Variants in TFRC observed in about 807,000 individuals in gnomAD.
The protein encoded by TFRC is transferrin receptor, also known as transferrin receptor protein 1.
Under a neutral mutation model 85.8 loss-of-function variants are expected in TFRC, and 35 were observed. The ratio of observed to expected loss-of-function variants is 0.41; its 90% CI spans 0.31 to 0.54. The LOEUF is 0.54. Among genes scored for constraint, TFRC ranks in the 20% least tolerant of loss-of-function variants. TFRC has a pLI of 0.31. For synonymous variants in TFRC, 362 were observed against 328.6 expected, an observed-to-expected ratio of 1.10 and a Z score of -1.10; for missense variants, 828 against 921.5, an observed-to-expected ratio of 0.90 and a Z score of 1.31.
chr3:196,063,005 C>T, intron 11 of TFRC, 66 bp from the exon 12 acceptor site: 1 of 1,338,602 alleles, frequency 7.5e-7, no homozygotes, highest in South Asian at 1.2e-5. Context: ...GGAAGGTATC[C>T]CACTTAAGAT....
rs529214594 is a variant in TFRC at position 196,052,292 on chromosome 3, CTTTTTTTTTTTTTT to C, written c.2041-122_2041-109del. 2.4e-5 allele frequency: 13 copies of C among 548,004 alleles called. No individual in the cohort carries two copies. The South Asian group carries it at 2.5e-4, about 10-fold the overall frequency. The allele number at this position is 548,004 out of a possible 1,614,324, so 33.9% of individuals were successfully genotyped here. On this transcript the variant is annotated intron_variant, in intron 18 of 18. Transcript: ENST00000360110. ...CCCAAATTTAAGAATGCCGATCAGA[CTTTTTTTTTTTTTT>C]TTTTTTTTTGACACAGAGTTTCGCT...
intron 1 of TFRC, among the ~76,000 whole-genome samples, chr3:196,080,427 CA>C (rs1719071211): frequency 1.3e-5 from 2 of 152,242 alleles, no homozygotes; most frequent in South Asian, 4.1e-4. Context: ...TTAGTAGAGA[CA>C]GGATTTCACC....
intron 17 of TFRC, among the ~76,000 whole-genome samples, chr3:196,054,055 G>A (rs2108634578): frequency 6.6e-6 from 1 of 152,080 alleles, no homozygotes. Flanking sequence ...TGGCCAACAT[G>A]GTAAAACCCC....
At position 196,065,262 on chromosome 3, in the gene TFRC, CA is replaced by C. The variant is rs55922619; in HGVS notation, c.1198+180del. ...GGGCAACAAGAGTGAAACTCTTTCT[CA>C]AAAAAAAAAAAAAGAAACTAACACA... On this transcript the variant is annotated intron_variant, in intron 10 of 18. Transcript: ENST00000360110. Among the ~76,000 whole-genome samples the C allele has an allele frequency of 0.68, 92,018 of 136,192 alleles. 31,717 individuals are homozygous for C. The highest frequency in any genetic ancestry group is 0.8 in the Non-Finnish European group (52,034 of 65,068). 89.3% of individuals were successfully genotyped at this position (136,192 alleles called of 152,430 possible). A position where few individuals can be genotyped will look rare whatever the true frequency, so the allele number is the denominator to read the frequency against.
In TFRC at chr3:196,068,060, A is replaced by G; in HGVS notation, c.872T>C (p.Val291Ala). Residue 291 changes from valine to alanine, a missense_variant, in exon 8 of 19, where the codon GTT becomes GCT. Transcript: ENST00000360110. ...TCCAAAGAATGAAAGTTCTGCGTTAACAATGGGAAATTTAGTCTGGTCCAT... is the reference window on the plus strand; with the variant it reads ...TCCAAAGAATGAAAGTTCTGCGTTAGCAATGGGAAATTTAGTCTGGTCCAT... ...IYMDQTKFPI[V>A]NAELSFFGHA... 6.2e-7 allele frequency: 1 copy of G among 1,613,376 alleles called. No homozygotes were observed.
In TFRC at chr3:196,069,475, T is replaced by C. The variant is rs1718009260; in HGVS notation, c.781A>G (p.Lys261Glu). The change falls in exon 7 of 19, where the codon AAA (lysine) becomes GAA (glutamate). Residue 261 changes from lysine to glutamate, a missense_variant. Lys to Glu is a moderately conservative substitution (Grantham distance 56). Coordinates refer to ENST00000360110, the MANE Select transcript of TFRC (RefSeq NM_001128148.3). ...NGSIVIVRAGKITFAEKVANA... is the reference protein window; with the variant it reads ...NGSIVIVRAGEITFAEKVANA... The stretch of plus-strand genomic sequence containing the variant: ...CTCACCTTTTCTGCAAAGGTGATTT[T>C]CCCTGCTCTGACAATCACTATAGAT... The C allele has an allele frequency of 6.2e-7, 1 of 1,611,314 alleles. No homozygotes were observed. The highest frequency in any genetic ancestry group is 8.5e-7 in the Non-Finnish European group (1 of 1,178,002).
At chr3:196,061,385 A>AC (rs1202953365) in intron 13 of TFRC, among the ~76,000 whole-genome samples, 1 of 152,142 alleles carries the variant, frequency 6.6e-6, no homozygotes, top group Admixed American at 6.5e-5. Flanking sequence ...AGTGCTTGTT[A>AC]AAGTTTTTTG....
intron 4 of TFRC, 27 bp downstream of exon 4, chr3:196,073,903 G>A: frequency 6.3e-7 from 1 of 1,597,636 alleles, no homozygotes; most frequent in Non-Finnish European, 8.5e-7. Context: ...TACTTGTCTA[G>A]ATACTTGCAC....
At position 196,055,168 on chromosome 3, in the gene TFRC, T is replaced by C. The variant is rs909940892; in HGVS notation, c.1811A>G (p.Asp604Gly). 6.2e-7 allele frequency: 1 copy of C among 1,614,226 alleles called. No homozygotes were observed. The highest frequency in any genetic ancestry group is 1.7e-5 in the Admixed American group (1 of 60,026). ...CTCATAGTCCAGGTTCAATTCAACATCATGGGTTAGTTTAATCACGAACTG... is the reference window on the plus strand; with the variant it reads ...CTCATAGTCCAGGTTCAATTCAACACCATGGGTTAGTTTAATCACGAACTG... ...AGQFVIKLTH[D>G]VELNLDYERY... The change falls in exon 17 of 19, where the codon GAT becomes GGT. Residue 604 changes from aspartate to glycine, a missense_variant. Transcript: ENST00000360110.
chr3:196,058,489 C>A, intron 15 of TFRC, 85 bp downstream of exon 15: 2 of 1,496,982 alleles, frequency 1.3e-6, no homozygotes, highest in Non-Finnish European at 1.8e-6. Context: ...AAGTTCAATG[C>A]AAGGACAGAT....
At chr3:196,079,765 A>G (rs1237039172) in intron 1 of TFRC, among the ~76,000 whole-genome samples, 1 of 152,240 alleles carries the variant, frequency 6.6e-6, no homozygotes, top group African/African-American at 2.4e-5. Context: ...GAAATGGAAC[A>G]CATTCACTGC....
chr3:196,051,812 A>C lies in TFRC; in HGVS notation c.*130T>G. The C allele has an allele frequency of 9.3e-7, 1 of 1,072,600 alleles. No individual in the cohort carries two copies. The highest frequency in any genetic ancestry group is 1.3e-6 in the Non-Finnish European group (1 of 740,858). 66.4% of individuals were successfully genotyped at this position (1,072,600 alleles called of 1,614,324 possible). A position where few individuals can be genotyped will look rare whatever the true frequency, so the allele number is the denominator to read the frequency against. ...TAAAAGCTGCTGCCTAAAGACATCT[A>C]GTAGTACCAAGATGATGGGATGGAA... On this transcript the variant is annotated 3_prime_UTR_variant, in exon 19 of 19. Transcript: ENST00000360110.
chr3:196,060,240 G>C lies in TFRC; in HGVS notation c.1476C>G (p.Ser492Arg). The C allele has an allele frequency of 3.1e-6, 5 of 1,613,822 alleles. No homozygotes were observed. Among genetic ancestry groups the C allele is most frequent in the Non-Finnish European group, 3.4e-6 (4 of 1,179,834 alleles). The stretch of plus-strand genomic sequence containing the variant: ...GTGGGCTGGCAGAAACCTTGAAGTT[G>C]CTGGTACCTGAAAATAAATTGTTTT... ...INLDKAVLGT[S>R]NFKVSASPLL... The change falls in exon 14 of 19, where the codon AGC becomes AGG. Residue 492 changes from serine to arginine, a missense_variant. By Grantham distance (110) the Ser-to-Arg change is moderately radical (BLOSUM62 -1). Coordinates refer to ENST00000360110, the MANE Select transcript of TFRC (RefSeq NM_001128148.3).
At chr3:196,081,383 C>T (rs897815755) in intron 1 of TFRC, among the ~76,000 whole-genome samples, 1 of 152,216 alleles carries the variant, frequency 6.6e-6, no homozygotes, top group Non-Finnish European at 1.5e-5. Flanking sequence ...TTACAGAAAC[C>T]CGTATCTAAT....
At chr3:196,073,381 G>A (rs1718391938) in intron 4 of TFRC, among the ~76,000 whole-genome samples, 2 of 151,816 alleles carry the variant, frequency 1.3e-5, no homozygotes, top group South Asian at 2.1e-4. Context: ...ATGAAGCTGC[G>A]GTGAGATGAG....
In TFRC at chr3:196,050,500, C is replaced by T. The variant is rs1266899284; in HGVS notation, c.*1442G>A. 1 of 204,432 alleles carries T rather than the reference C, an allele frequency of 4.9e-6. No homozygotes were observed. Among genetic ancestry groups the T allele is most frequent in the Non-Finnish European group, 1.0e-5 (1 of 99,462 alleles). 12.7% of individuals were successfully genotyped at this position (204,432 alleles called of 1,614,324 possible). On this transcript the variant is annotated 3_prime_UTR_variant, in exon 19 of 19. Coordinates refer to ENST00000360110, the MANE Select transcript of TFRC (RefSeq NM_001128148.3). ...CACTGTTCCCGATAATTACTTACAC[C>T]CTTAGTGTAACATATGGAGATCACT...
chr3:196,077,890 T>C (rs2108659589), intron 1 of TFRC, among the ~76,000 whole-genome samples: 1 of 152,328 alleles, frequency 6.6e-6, no homozygotes, highest in African/African-American at 2.4e-5. Context: ...GAATAGTTCC[T>C]ACAAGTGATT....
At chr3:196,056,982 C>A (rs578099523) in intron 16 of TFRC, among the ~76,000 whole-genome samples, 1 of 152,174 alleles carries the variant, frequency 6.6e-6, no homozygotes, top group African/African-American at 2.4e-5. Context: ...CCACTATGTC[C>A]GACTAATTTT....
At chr3:196,052,377 G>A (rs1217907571) in intron 18 of TFRC, among the ~76,000 whole-genome samples, 193 bp from the exon 19 acceptor site, 1 of 147,640 alleles carries the variant, frequency 6.8e-6, no homozygotes, top group African/African-American at 2.5e-5. Flanking sequence ...CGGCTCACTG[G>A]TACCCTCCAC....
Sources: gnomAD v4.1 joint callset for allele counts (sites outside exome capture counted in the v4.1 genomes callset) on GRCh38, gnomAD v4.1.1 for gene constraint, MANE v1.5 for transcripts, NCBI Gene and HGNC (gene_info 2026-07-23, HGNC 2026-07-21) for gene names.